Variants in PAPPA2 observed in about 807,000 individuals in gnomAD.
The protein encoded by PAPPA2 is pappalysin 2, also known as pappalysin-2.
PAPPA2 carries 86 observed loss-of-function variants against 176.4 expected under a neutral mutation model. The observed-to-expected ratio is 0.49, with a 90% CI of 0.41 to 0.58. PAPPA2 has a LOEUF of 0.58. PAPPA2 is among the 20% of genes least tolerant of loss of function. The probability of loss-of-function intolerance (pLI) is 0.00; values close to 1 mark genes in which losing one functional copy is unlikely to be tolerated. For missense variants in PAPPA2, 2,073 were observed against 2,256.9 expected, an observed-to-expected ratio of 0.92 and a Z score of 1.65; for synonymous variants, 809 against 852.2, an observed-to-expected ratio of 0.95 and a Z score of 0.88.
chr1:176,621,326 G>A (rs866735577), intron 3 of PAPPA2, among the ~76,000 whole-genome samples: 2 of 152,130 alleles, frequency 1.3e-5, no homozygotes, highest in African/African-American at 4.8e-5. Context: ...AAATCAGAAA[G>A]TATGTAATGT....
chr1:176,696,880 A>C (rs1006884757), intron 7 of PAPPA2, among the ~76,000 whole-genome samples: 2 of 152,216 alleles, frequency 1.3e-5, no homozygotes, highest in African/African-American at 4.8e-5. Context: ...CAGTCACTCA[A>C]GTGACAGGGC....
chr1:176,546,950 T>C (rs916972869), intron 1 of PAPPA2, among the ~76,000 whole-genome samples: 2 of 152,170 alleles, frequency 1.3e-5, no homozygotes, highest in African/African-American at 4.8e-5. Context: ...GTCATTGAAA[T>C]GATTTAATGG....
intron 3 of PAPPA2, among the ~76,000 whole-genome samples, chr1:176,637,797 T>C (rs10798466): frequency 0.25 from 37,932 of 151,982 alleles, 4,865 homozygotes; most frequent in South Asian, 0.33. Context: ...ACATGTTGAT[T>C]TTCTCTTCTC....
intron 1 of PAPPA2, among the ~76,000 whole-genome samples, chr1:176,500,501 T>C (rs1647899001): frequency 6.7e-6 from 1 of 148,174 alleles, no homozygotes; most frequent in South Asian, 2.1e-4. Context: ...TTATATATAA[T>C]TTATTTATAC....
chr1:176,632,917 G>C (rs917556229), intron 3 of PAPPA2, among the ~76,000 whole-genome samples: 1 of 151,954 alleles, frequency 6.6e-6, no homozygotes, highest in African/African-American at 2.4e-5. Context: ...GAGAAGGAGA[G>C]GAGAAAGGAG....
At chr1:176,633,379 A>G (rs901416943) in intron 3 of PAPPA2, among the ~76,000 whole-genome samples, 3 of 152,178 alleles carry the variant, frequency 2.0e-5, no homozygotes, top group African/African-American at 7.2e-5. Flanking sequence ...GGATCAAGGG[A>G]CAGCAAGGAG....
chr1:176,725,243 C>T (rs1043948750), intron 12 of PAPPA2, among the ~76,000 whole-genome samples: 5 of 152,058 alleles, frequency 3.3e-5, no homozygotes, highest in Non-Finnish European at 5.9e-5. Flanking sequence ...TTCAAAAATG[C>T]AAAAACTCTT....
At chr1:176,532,488 G>A (rs925594905) in intron 1 of PAPPA2, among the ~76,000 whole-genome samples, 11 of 152,132 alleles carry the variant, frequency 7.2e-5, no homozygotes, top group Admixed American at 3.3e-4. Flanking sequence ...AATAACACAC[G>A]CAATTTCATT....
rs1417422735 is a variant in PAPPA2 at position 176,761,127 on chromosome 1, A to G, written c.4152-4539A>G. Among the ~76,000 whole-genome samples the G allele has an allele frequency of 2.0e-5, 3 of 152,122 alleles. No homozygotes were observed. In the East Asian group the frequency reaches 5.8e-4, roughly 29 times the overall value. On this transcript the variant is annotated intron_variant, in intron 14 of 22. Coordinates refer to ENST00000367662, the MANE Select transcript of PAPPA2 (RefSeq NM_020318.3). ...TGAGCCACCGCACCCGGCCAAAAACATGTTTTAAAACATTGCAACACAATG... is the reference window on the plus strand; with the variant it reads ...TGAGCCACCGCACCCGGCCAAAAACGTGTTTTAAAACATTGCAACACAATG...
At chr1:176,617,246 T>C (rs1655314701) in intron 3 of PAPPA2, among the ~76,000 whole-genome samples, 2 of 152,186 alleles carry the variant, frequency 1.3e-5, no homozygotes, top group African/African-American at 4.8e-5. Context: ...AATGTATTTA[T>C]TCTCTGAAGA....
chr1:176,750,559 C>T (rs190973173), intron 14 of PAPPA2, among the ~76,000 whole-genome samples: 6 of 152,048 alleles, frequency 3.9e-5, no homozygotes, highest in Non-Finnish European at 5.9e-5. Context: ...GAACCGAGAT[C>T]GCACCACTGC....
intron 1 of PAPPA2, among the ~76,000 whole-genome samples, chr1:176,552,475 T>G (rs936186353): frequency 6.7e-6 from 1 of 149,742 alleles, no homozygotes; most frequent in African/African-American, 2.5e-5. Context: ...CTCTCCTCTC[T>G]CTCCTCGCTT....
At chr1:176,503,933 A>T (rs1648104850) in intron 1 of PAPPA2, among the ~76,000 whole-genome samples, 1 of 152,184 alleles carries the variant, frequency 6.6e-6, no homozygotes, top group African/African-American at 2.4e-5. Context: ...TGAAATAAAC[A>T]TCTCTACAGA....
intron 3 of PAPPA2, among the ~76,000 whole-genome samples, chr1:176,596,207 A>T (rs1260452212): frequency 6.6e-6 from 1 of 152,114 alleles, no homozygotes; most frequent in Non-Finnish European, 1.5e-5. Flanking sequence ...GGTAAGTTGG[A>T]TCCTGTCATT....
chr1:176,641,816 C>A (rs572718306), intron 3 of PAPPA2, among the ~76,000 whole-genome samples: 10 of 151,972 alleles, frequency 6.6e-5, no homozygotes, highest in Non-Finnish European at 1.2e-4. Flanking sequence ...CCAGCCTCAT[C>A]ATCAACTTGG....
intron 21 of PAPPA2, among the ~76,000 whole-genome samples, chr1:176,810,112 G>A (rs896195427): frequency 6.6e-6 from 1 of 151,948 alleles, no homozygotes; most frequent in East Asian, 1.9e-4. Context: ...TGAAATATGT[G>A]GCTAAGACAC....
chr1:176,671,700 G>A (rs112859036), intron 4 of PAPPA2, among the ~76,000 whole-genome samples: 11,022 of 152,044 alleles, frequency 0.072, 534 homozygotes, highest in Non-Finnish European at 0.11. Flanking sequence ...AGAAAGTGTG[G>A]CACATATACA....
intron 3 of PAPPA2, among the ~76,000 whole-genome samples, chr1:176,643,757 T>A (rs925551676): frequency 6.6e-5 from 10 of 151,836 alleles, no homozygotes; most frequent in Non-Finnish European, 1.5e-4. Context: ...CTGAATATGA[T>A]CACTCAGCCA....
rs114890633 is a variant in PAPPA2, at chr1:176,740,886, G to A, written c.4151+690G>A. ...CAATTGAGTGGGACTACAGGTGACA[G>A]GGTTCATTCCTCAGCAAGGGAGGTG... is the stretch of plus-strand genomic sequence containing the variant. On this transcript the variant is annotated intron_variant, in intron 14 of 22. Coordinates refer to ENST00000367662, the MANE Select transcript of PAPPA2 (RefSeq NM_020318.3). Among the ~76,000 whole-genome samples, 994 of 152,238 alleles carry A rather than the reference G, an allele frequency of 6.5e-3. 7 individuals carry two copies. The highest frequency in any genetic ancestry group is 0.023 in the African/African-American group (957 of 41,548).
Sources: gnomAD v4.1 joint callset for allele counts (sites outside exome capture counted in the v4.1 genomes callset) on GRCh38, gnomAD v4.1.1 for gene constraint, MANE v1.5 for transcripts, NCBI Gene and HGNC (gene_info 2026-07-23, HGNC 2026-07-21) for gene names.